Variants in WWOX observed in about 807,000 individuals in gnomAD.
WWOX encodes the protein WW domain-containing oxidoreductase.
In WWOX, 69 loss-of-function variants were observed where a neutral mutation model predicts 46.2. The observed-to-expected ratio is 1.49, with a 90% confidence interval of 1.23 to 1.82. The LOEUF is 1.82. Among genes scored for constraint, WWOX ranks in the 40% most tolerant of loss-of-function variants. WWOX has a pLI of 0.00. For synonymous variants in WWOX, 359 were observed against 202.6 expected, an observed-to-expected ratio of 1.77 and a Z score of -6.56; for missense variants, 919 against 542.6, an observed-to-expected ratio of 1.69 and a Z score of -6.89.
At chr16:78,922,788 C>T (rs2045408867) in intron 8 of WWOX, among the ~76,000 whole-genome samples, 1 of 152,142 alleles carries the variant, frequency 6.6e-6, no homozygotes, top group South Asian at 2.1e-4. Context: ...CCATAAAGCT[C>T]AGGAGTAACT....
intron 8 of WWOX, among the ~76,000 whole-genome samples, chr16:79,137,104 CT>C (rs1307639267): frequency 3.3e-5 from 5 of 152,216 alleles, no homozygotes; most frequent in African/African-American, 1.2e-4. Flanking sequence ...TATGAATATT[CT>C]CACGCTTCCA....
At chr16:78,444,914 T>C (rs1597095203) in intron 8 of WWOX, among the ~76,000 whole-genome samples, 1 of 152,298 alleles carries the variant, frequency 6.6e-6, no homozygotes, top group African/African-American at 2.4e-5. Flanking sequence ...TTCCCTTTGT[T>C]GGAAGTGATG....
chr16:78,774,329 A>G (rs1156793118), intron 8 of WWOX, among the ~76,000 whole-genome samples: 2 of 152,158 alleles, frequency 1.3e-5, no homozygotes, highest in Non-Finnish European at 2.9e-5. Flanking sequence ...TGAATCAGGG[A>G]GTCGGAGTTT....
chr16:78,744,051 G>T (rs1184190235), intron 8 of WWOX, among the ~76,000 whole-genome samples: 1 of 152,176 alleles, frequency 6.6e-6, no homozygotes, highest in South Asian at 2.1e-4. Flanking sequence ...GAACCTGGAC[G>T]CCCTCCTCCA....
At chr16:78,937,256 G>C (rs1163499722) in intron 8 of WWOX, among the ~76,000 whole-genome samples, 1 of 152,050 alleles carries the variant, frequency 6.6e-6, no homozygotes, top group African/African-American at 2.4e-5. Flanking sequence ...ACCTGAAAGT[G>C]ACCCAAATAA....
At chr16:79,069,745 G>C (rs2048513358) in intron 8 of WWOX, among the ~76,000 whole-genome samples, 1 of 152,168 alleles carries the variant, frequency 6.6e-6, no homozygotes, top group Non-Finnish European at 1.5e-5. Flanking sequence ...GCCAATGTCT[G>C]TGTTATTAGG....
chr16:78,704,917 C>A (rs1053205432), intron 8 of WWOX, among the ~76,000 whole-genome samples: 4 of 107,014 alleles, frequency 3.7e-5, no homozygotes, highest in African/African-American at 1.3e-4. Context: ...TAAAATACAA[C>A]TTGTTTTTTT....
chr16:78,720,207 A>G (rs998935934), intron 8 of WWOX, among the ~76,000 whole-genome samples: 1 of 152,156 alleles, frequency 6.6e-6, no homozygotes, highest in African/African-American at 2.4e-5. Flanking sequence ...CCTACCAGTA[A>G]GACTTAAGGC....
chr16:78,580,663 A>G (rs959123237), intron 8 of WWOX, among the ~76,000 whole-genome samples: 3 of 152,332 alleles, frequency 2.0e-5, no homozygotes, highest in East Asian at 1.9e-4. Flanking sequence ...TTGTAACACT[A>G]TCTTGTTTGC....
intron 5 of WWOX, among the ~76,000 whole-genome samples, chr16:78,238,697 A>ATCTCGGCTCGCCG (rs2037524152): frequency 1.3e-5 from 2 of 151,756 alleles, no homozygotes; most frequent in African/African-American, 4.8e-5. Flanking sequence ...TTGGCTCGCC[A>ATCTCGGCTCGCCG]TGATCTCTAC....
chr16:78,897,422 C>G (rs567912246), intron 8 of WWOX: 1 of 151,844 alleles, frequency 6.6e-6, no homozygotes, highest in African/African-American at 2.4e-5. Context: ...GAAATCATAC[C>G]TACTGCTTTG....
intron 8 of WWOX, among the ~76,000 whole-genome samples, chr16:79,027,881 A>G (rs988043670): frequency 4.6e-5 from 7 of 151,852 alleles, no homozygotes; most frequent in African/African-American, 1.2e-4. Context: ...TAGGCTTGGA[A>G]TGAGATAATG....
intron 8 of WWOX, among the ~76,000 whole-genome samples, chr16:78,770,438 G>A (rs746493348): frequency 6.6e-6 from 1 of 152,206 alleles, no homozygotes. Context: ...AGTACACCCA[G>A]GAAAGAGCAA....
rs1433341940 is a variant in WWOX, at chr16:78,387,973, T to A, written c.605+1025T>A. Among the ~76,000 whole-genome samples the A allele has an allele frequency of 2.6e-5, 4 of 152,086 alleles. No homozygotes were observed. The East Asian group carries it at 7.8e-4, about 30-fold the overall frequency. On this transcript the variant is annotated intron_variant, in intron 6 of 8. Transcript: ENST00000566780. ...TGCAGTGTTGCAAGCAGATGAAGGA[T>A]GTGAGGGAAGGGATCTTAAACCAGA... is the stretch of plus-strand genomic sequence containing the variant.
intron 5 of WWOX, among the ~76,000 whole-genome samples, chr16:78,195,706 C>T (rs1203617320): frequency 1.3e-5 from 2 of 151,064 alleles, no homozygotes; most frequent in East Asian, 2.0e-4. Flanking sequence ...TCTGTAATCC[C>T]AGCTAGTTGG....
intron 4 of WWOX, among the ~76,000 whole-genome samples, chr16:78,134,147 T>G (rs2033707396): frequency 6.6e-6 from 1 of 152,220 alleles, no homozygotes; most frequent in Non-Finnish European, 1.5e-5. Context: ...ACTTTACTAG[T>G]TGCTCAAATA....
chr16:78,469,015 T>C (rs972145459), intron 8 of WWOX, among the ~76,000 whole-genome samples: 1 of 152,202 alleles, frequency 6.6e-6, no homozygotes, highest in Non-Finnish European at 1.5e-5. Context: ...CTTGAGTCTC[T>C]CAAAAGACAG....
chr16:78,690,859 T>A (rs142043940), intron 8 of WWOX, among the ~76,000 whole-genome samples: 1,886 of 152,348 alleles, frequency 0.012, 20 homozygotes, highest in South Asian at 0.036. Flanking sequence ...GATGGCTTGA[T>A]GTTGTCTCTT....
At chr16:78,982,700 A>G (rs1398404275) in intron 8 of WWOX, among the ~76,000 whole-genome samples, 1 of 152,220 alleles carries the variant, frequency 6.6e-6, no homozygotes, top group Non-Finnish European at 1.5e-5. Flanking sequence ...TCAAACATGT[A>G]TGCTTATTTA....
Sources: gnomAD v4.1 joint callset for allele counts (sites outside exome capture counted in the v4.1 genomes callset) on GRCh38, gnomAD v4.1.1 for gene constraint, MANE v1.5 for transcripts, NCBI Gene and HGNC (gene_info 2026-07-23, HGNC 2026-07-21) for gene names.